The following KIF7 variants were observed in gnomAD, a reference collection of about 807,000 sequenced individuals.
KIF7 encodes kinesin-like protein KIF7.
In KIF7, 104 loss-of-function variants were observed where a neutral mutation model predicts 135.7. That is an observed-to-expected ratio of 0.77 (90% confidence interval 0.65 to 0.90). The LOEUF (loss-of-function observed/expected upper bound fraction) is 0.90, where lower values mean the gene tolerates loss of function less well. Ranked by LOEUF, KIF7 falls within the 40% of genes least tolerant of loss-of-function variation. The probability of loss-of-function intolerance (pLI) is 0.00; values close to 1 mark genes in which losing one functional copy is unlikely to be tolerated. For missense variants in KIF7, 2,005 were observed against 1,839.1 expected, an observed-to-expected ratio of 1.09 and a Z score of -1.65; for synonymous variants, 883 against 809.4, an observed-to-expected ratio of 1.09 and a Z score of -1.54.
chr15:89,624,137 G>T (rs202052132), downstream of KIF7: 8 of 1,613,564 alleles, frequency 5.0e-6, no homozygotes, highest in Non-Finnish European at 6.8e-6. Context: ...AGAGCTGCTC[G>T]GGCAGAGGAA....
Position 89,633,670 on chromosome 15 carries a change from C to A in KIF7, c.2592+16G>T, listed in dbSNP as rs368457861. ...TTGGCCTGGACAGAAGGTCCCCACC[C>A]TGCCGTGAGCCTGACCTTGACGCGG... On this transcript the variant is annotated intron_variant, in intron 12 of 18. Transcript: ENST00000394412. The A allele has an allele frequency of 1.2e-6, 2 of 1,604,370 alleles. No individual in the cohort carries two copies. The highest frequency in any genetic ancestry group is 1.3e-5 in the African/African-American group (1 of 74,850).
In KIF7 at chr15:89,648,249, G is replaced by A; in HGVS notation, c.1443+6C>T. Reference sequence around the variant, plus strand: ...CAACCACAACCACAACCTGTCCCTCGGCCACCTTTCGCCCGCCGGCCCCCT... The same window carrying A: ...CAACCACAACCACAACCTGTCCCTCAGCCACCTTTCGCCCGCCGGCCCCCT... On this transcript the variant is annotated splice_donor_region_variant and intron_variant, in intron 5 of 18. Coordinates refer to ENST00000394412, the MANE Select transcript of KIF7 (RefSeq NM_198525.3). 6.6e-7 allele frequency: 1 copy of A among 1,511,882 alleles called. No homozygotes were observed. Among genetic ancestry groups the A allele is most frequent in the Non-Finnish European group, 8.8e-7 (1 of 1,132,196 alleles). The allele number at this position is 1,511,882 out of a possible 1,614,324, so 93.7% of individuals were successfully genotyped here.
chr15:89,625,911 C>A, downstream of KIF7: 1 of 1,549,166 alleles, frequency 6.5e-7, no homozygotes, highest in South Asian at 1.3e-5. Context: ...GGGGACGCTG[C>A]TCTTACTATG....
chr15:89,619,218 CTTCTTTT>C (rs1260099523), intron 1 of KIF7, among the ~76,000 whole-genome samples: 1 of 91,872 alleles, frequency 1.1e-5, no homozygotes, highest in African/African-American at 4.3e-5. Context: ...CTACACCATT[CTTCTTTT>C]TTTTTTTTTT....
intron 1 of KIF7, chr15:89,619,727 T>C (rs1225099112): frequency 1.2e-6 from 2 of 1,611,574 alleles, no homozygotes; most frequent in Non-Finnish European, 1.7e-6. Flanking sequence ...TGAGACGAAG[T>C]CCTCGAATCA....
rs747425807 is a variant in KIF7 at position 89,631,574 on chromosome 15, C to T, written c.3032G>A (p.Arg1011His). The T allele has an allele frequency of 1.8e-5, 29 of 1,568,130 alleles. No homozygotes were observed. Among genetic ancestry groups the T allele is most frequent in the Non-Finnish European group, 2.3e-5 (27 of 1,155,472 alleles). The change falls in exon 15 of 19, where the codon CGC (arginine) becomes CAC (histidine). Residue 1011 changes from arginine to histidine, a missense_variant. Transcript: ENST00000394412. ...QQIRGEIDSL[R>H]QEKDSLLKQR... ...CTTGAGCAGCGAGTCCTTCTCCTGG[C>T]GCAGGCTGTCGATCTCCCCGCGGAT...
chr15:89,618,415 T>C (rs910340106), intron 1 of KIF7, among the ~76,000 whole-genome samples: 1 of 152,222 alleles, frequency 6.6e-6, no homozygotes. Flanking sequence ...GAAATATTTT[T>C]GCACAACAGA....
intron 14 of KIF7, among the ~76,000 whole-genome samples, chr15:89,632,576 T>G (rs934728837): frequency 5.9e-5 from 9 of 152,154 alleles, no homozygotes; most frequent in Non-Finnish European, 1.2e-4. Flanking sequence ...TAGAACCCAG[T>G]AGGACAGAGC....
At position 89,629,436 on chromosome 15, in the gene KIF7, C is replaced by G. The variant is rs769648374; in HGVS notation, c.3456G>C (p.Gln1152His). ...CGTGCTCCTTCTGCTGCAGGGTCAGCTGGCGGTCCATCTCCAGGCGCTGCC... is the reference window on the plus strand; with the variant it reads ...CGTGCTCCTTCTGCTGCAGGGTCAGGTGGCGGTCCATCTCCAGGCGCTGCC... ...LERQRLEMDR[Q>H]LTLQQKEHEQ... Residue 1152 changes from glutamine to histidine, a missense_variant, in exon 17 of 19, where the codon CAG (glutamine) becomes CAC (histidine). Gln to His is a conservative substitution (Grantham distance 24). Coordinates refer to ENST00000394412, the MANE Select transcript of KIF7 (RefSeq NM_198525.3). 6.2e-7 allele frequency: 1 copy of G among 1,608,740 alleles called. No homozygotes were observed. Among genetic ancestry groups the G allele is most frequent in the Admixed American group, 1.7e-5 (1 of 59,998 alleles).
upstream of KIF7, among the ~76,000 whole-genome samples, chr15:89,659,908 G>C (rs530045615): frequency 6.6e-6 from 1 of 152,266 alleles, no homozygotes; most frequent in East Asian, 1.9e-4. Flanking sequence ...GTAAAAATAC[G>C]GAAACAGGCC....
At chr15:89,625,164 A>G, downstream of KIF7, 3 of 1,613,404 alleles carry the variant, frequency 1.9e-6, no homozygotes, top group Non-Finnish European at 2.5e-6. Flanking sequence ...GCAAACCTGA[A>G]CCCACCTATG....
downstream of KIF7, chr15:89,626,084 G>A (rs117117368): frequency 4.3e-5 from 69 of 1,610,084 alleles, no homozygotes; most frequent in Non-Finnish European, 5.8e-5. Context: ...GAAGGTCTAG[G>A]ACCCTTTCCT....
chr15:89,634,942 A>T (rs1963772030), intron 11 of KIF7, among the ~76,000 whole-genome samples: 1 of 152,234 alleles, frequency 6.6e-6, no homozygotes, highest in African/African-American at 2.4e-5. Flanking sequence ...ACAGCTTTGA[A>T]GAGAGCAGGG....
chr15:89,624,250 T>G, downstream of KIF7: 2 of 1,614,184 alleles, frequency 1.2e-6, no homozygotes, highest in Non-Finnish European at 1.7e-6. Context: ...ACTGTTTACC[T>G]CTCCTTTATG....
chr15:89,645,835 G>T, intron 8 of KIF7, 58 bp downstream of exon 8: 1 of 1,591,780 alleles, frequency 6.3e-7, no homozygotes. Context: ...TCCCCAGCCT[G>T]CCTAGCCCTG....
chr15:89,649,102 G>C lies in KIF7; in HGVS notation c.795C>G (p.Thr265=). Residue 265 remains threonine (T), a synonymous_variant, in exon 4 of 19, where the codon ACC becomes ACG. Transcript: ENST00000394412. ...GSERVLKTGS[T]GERLKESIQI... ...GGATGCTCTCCTTGAGCCGCTCGCC[G>C]GTGCTGCCCGTCTTGAGCACCCTCT... The C allele has an allele frequency of 6.5e-7, 1 of 1,547,722 alleles. No individual in the cohort carries two copies. Among genetic ancestry groups the C allele is most frequent in the Admixed American group, 2.0e-5 (1 of 50,990 alleles).
At chr15:89,642,507 G>C in intron 10 of KIF7, 102 bp from the exon 11 acceptor site, 1 of 930,392 alleles carries the variant, frequency 1.1e-6, no homozygotes, top group South Asian at 1.6e-5. Flanking sequence ...CACCTGTGTG[G>C]GTTTCACCAA....
chr15:89,651,393 C>T (rs532435706), intron 2 of KIF7, among the ~76,000 whole-genome samples: 6 of 152,136 alleles, frequency 3.9e-5, no homozygotes, highest in East Asian at 1.9e-4. Flanking sequence ...CCACCACGCC[C>T]GGCTCAGTTT....
At chr15:89,629,186 TGGGGGTG>T (rs1596064507) in intron 17 of KIF7, 64 bp from the exon 18 acceptor site, 2 of 609,874 alleles carry the variant, frequency 3.3e-6, no homozygotes, top group Non-Finnish European at 4.6e-6. Context: ...GCCAGGGCTG[TGGGGGTG>T]GGGGCTGTGG....
Sources: allele counts gnomAD v4.1 joint callset (sites outside exome capture counted in the v4.1 genomes callset), GRCh38; gene constraint gnomAD v4.1.1; transcripts MANE v1.5; gene names NCBI Gene and HGNC (gene_info 2026-07-23, HGNC 2026-07-21).